GALNT13: variants seen among roughly 807,000 people sequenced by gnomAD.
GALNT13 encodes the protein UDP-GalNAc:polypeptide N-acetylgalactosaminyltransferase 13.
A neutral mutation model predicts 64.2 loss-of-function variants in GALNT13; 28 were observed. The observed-to-expected ratio is 0.44, with a 90% confidence interval of 0.32 to 0.60. The LOEUF (loss-of-function observed/expected upper bound fraction) is 0.60. Ranked by LOEUF, GALNT13 falls within the 20% of genes least tolerant of loss-of-function variation. The probability of loss-of-function intolerance (pLI) is 0.05; values close to 1 mark genes in which losing one functional copy is unlikely to be tolerated. For synonymous variants in GALNT13, 214 were observed against 224.6 expected (o/e 0.95, Z 0.42); for missense variants, 577 against 669.8 (o/e 0.86, Z 1.53).
chr2:153,607,388 A>G, the GALNT13 span, among the ~76,000 whole-genome samples: 1 of 152,084 alleles, frequency 6.6e-6, no homozygotes, highest in African/African-American at 2.4e-5. Flanking sequence ...CCATCATGAT[A>G]TATGTAGTCT....
the GALNT13 span, among the ~76,000 whole-genome samples, chr2:153,071,005 T>C: frequency 0.9 from 136,609 of 152,074 alleles, 62,412 homozygotes; most frequent in East Asian, 1. Flanking sequence ...TTATTTAGCC[T>C]ATAGGCATTT....
At chr2:153,905,720 G>A (rs983581244) in intron 2 of GALNT13, among the ~76,000 whole-genome samples, 1 of 151,956 alleles carries the variant, frequency 6.6e-6, no homozygotes, top group African/African-American at 2.4e-5. Flanking sequence ...ATAGAGCTTA[G>A]CAACGTGAGC....
chr2:153,126,294 TTGTATATATATATATA>T, the GALNT13 span, among the ~76,000 whole-genome samples: 340 of 50,946 alleles, frequency 6.7e-3, 6 homozygotes, highest in African/African-American at 0.019. Flanking sequence ...AGTATTGATT[TTGTATATATATATATA>T]TATATATATA....
chr2:154,176,311 G>T (rs1685650296), intron 4 of GALNT13, among the ~76,000 whole-genome samples: 1 of 150,300 alleles, frequency 6.7e-6, no homozygotes. Context: ...GTCTCGCTGT[G>T]TCACCCAGGC....
intron 4 of GALNT13, among the ~76,000 whole-genome samples, chr2:154,186,806 A>T (rs925153273): frequency 2.6e-5 from 4 of 152,094 alleles, no homozygotes; most frequent in Non-Finnish European, 4.4e-5. Flanking sequence ...ATTAATTGTG[A>T]TTATACTCTT....
At chr2:153,954,964 G>A (rs1010788059) in intron 3 of GALNT13, among the ~76,000 whole-genome samples, 2 of 151,764 alleles carry the variant, frequency 1.3e-5, no homozygotes, top group African/African-American at 4.8e-5. Context: ...TCTGGAGGAT[G>A]TAGAAAGAGG....
chr2:153,459,445 C>A, the GALNT13 span, among the ~76,000 whole-genome samples: 1 of 151,926 alleles, frequency 6.6e-6, no homozygotes, highest in African/African-American at 2.4e-5. Context: ...AACCGCCTCT[C>A]AACAACAACA....
chr2:153,237,262 C>T, the GALNT13 span, among the ~76,000 whole-genome samples: 1 of 151,958 alleles, frequency 6.6e-6, no homozygotes. Context: ...ATATTTGATA[C>T]AGACATACAA....
At chr2:153,476,958 T>C in the GALNT13 span, among the ~76,000 whole-genome samples, 1 of 152,110 alleles carries the variant, frequency 6.6e-6, no homozygotes. Flanking sequence ...CCCTAAAGGC[T>C]GTCCAAGCCG....
At chr2:154,374,113 A>G (rs556245325) in intron 9 of GALNT13, among the ~76,000 whole-genome samples, 1 of 152,244 alleles carries the variant, frequency 6.6e-6, no homozygotes, top group South Asian at 2.1e-4. Context: ...ACTCTTGTGC[A>G]GTATAGAATT....
chr2:154,166,081 T>A (rs1685003398), intron 4 of GALNT13, among the ~76,000 whole-genome samples: 1 of 152,162 alleles, frequency 6.6e-6, no homozygotes, highest in East Asian at 1.9e-4. Context: ...TCCAAAAAAC[T>A]TGTCTAGAGG....
At chr2:153,825,327 G>A in the GALNT13 span, among the ~76,000 whole-genome samples, 1 of 152,098 alleles carries the variant, frequency 6.6e-6, no homozygotes, top group Non-Finnish European at 1.5e-5. Flanking sequence ...ATGCTAACCA[G>A]TTTTAAAGGG....
intron 3 of GALNT13, among the ~76,000 whole-genome samples, chr2:154,088,823 T>A (rs1574479322): frequency 1.3e-5 from 2 of 152,290 alleles, no homozygotes. Context: ...CAGGGCTATG[T>A]TTTTGTTCTT....
At chr2:153,990,741 G>A (rs531822294) in intron 3 of GALNT13, among the ~76,000 whole-genome samples, 35 of 152,242 alleles carry the variant, frequency 2.3e-4, no homozygotes, top group African/African-American at 7.5e-4. Flanking sequence ...ATAGTTTAAT[G>A]TGCACTTTCC....
intron 8 of GALNT13, among the ~76,000 whole-genome samples, chr2:154,273,361 T>G (rs1239330262): frequency 6.6e-6 from 1 of 152,142 alleles, no homozygotes; most frequent in South Asian, 2.1e-4. Context: ...AAAGGCCTTA[T>G]GCAGCTATGA....
the GALNT13 span, among the ~76,000 whole-genome samples, chr2:153,698,779 T>C: frequency 1.1e-3 from 166 of 152,328 alleles, no homozygotes; most frequent in African/African-American, 4.0e-3. Context: ...ATCAACAGAA[T>C]ATACATTCTT....
At chr2:153,212,264 G>T in the GALNT13 span, among the ~76,000 whole-genome samples, 1 of 152,122 alleles carries the variant, frequency 6.6e-6, no homozygotes, top group African/African-American at 2.4e-5. Flanking sequence ...AATCTAGAAA[G>T]GAGAAGATGA....
the GALNT13 span, among the ~76,000 whole-genome samples, chr2:153,722,756 A>G: frequency 1.3e-5 from 2 of 152,178 alleles, no homozygotes; most frequent in African/African-American, 2.4e-5. Flanking sequence ...TAAACCAGGA[A>G]GAAGTTGAAT....
At chr2:153,821,810 G>T in the GALNT13 span, among the ~76,000 whole-genome samples, 1 of 151,752 alleles carries the variant, frequency 6.6e-6, no homozygotes, top group African/African-American at 2.4e-5. Flanking sequence ...TCTCTTAAAG[G>T]GTAAACAAGA....
Sources: gnomAD v4.1 joint callset for allele counts (sites outside exome capture counted in the v4.1 genomes callset) on GRCh38, gnomAD v4.1.1 for gene constraint, MANE v1.5 for transcripts, NCBI Gene and HGNC (gene_info 2026-07-23, HGNC 2026-07-21) for gene names.